NEK5: variants seen among roughly 807,000 people sequenced by gnomAD.
The protein encoded by NEK5 is serine/threonine-protein kinase Nek5.
NEK5 carries 88 observed loss-of-function variants against 109.2 expected under a neutral mutation model. That is an observed-to-expected ratio of 0.81 (90% CI 0.68 to 0.96). The LOEUF is 0.96. Among genes scored for constraint, NEK5 ranks in the 40% least tolerant of loss-of-function variants. The pLI is 0.00. For missense variants in NEK5, 834 were observed against 920.7 expected, an observed-to-expected ratio of 0.91 and a Z score of 1.22; for synonymous variants, 283 against 299.9, an observed-to-expected ratio of 0.94 and a Z score of 0.58.
At chr13:52,126,358 A>G (rs1283004007) in intron 3 of NEK5, among the ~76,000 whole-genome samples, 1 of 152,236 alleles carries the variant, frequency 6.6e-6, no homozygotes, top group African/African-American at 2.4e-5. Flanking sequence ...CATTCAGTGC[A>G]CTCAATAAAT....
intron 4 of NEK5, among the ~76,000 whole-genome samples, chr13:52,115,818 T>A (rs1955847104): frequency 6.6e-6 from 1 of 152,014 alleles, no homozygotes; most frequent in Non-Finnish European, 1.5e-5. Flanking sequence ...AACCTTTTTA[T>A]TTGTCAAATT....
At chr13:52,042,843 A>G (rs535459607) in intron 23 of NEK5, among the ~76,000 whole-genome samples, 10 of 152,092 alleles carry the variant, frequency 6.6e-5, no homozygotes, top group Non-Finnish European at 1.3e-4. Flanking sequence ...AAGTTTGTCA[A>G]CCAACAAAAG....
chr13:52,102,318 TA>T (rs1955556604), intron 9 of NEK5, 26 bp from the exon 10 acceptor site: 2 of 1,548,310 alleles, frequency 1.3e-6, no homozygotes, highest in Non-Finnish European at 1.8e-6. Flanking sequence ...GAAATGACAC[TA>T]AATCAGAGAA....
chr13:52,104,823 A>G (rs966090892), intron 8 of NEK5, among the ~76,000 whole-genome samples: 2 of 152,230 alleles, frequency 1.3e-5, no homozygotes, highest in Admixed American at 6.5e-5. Flanking sequence ...TTCCTGCTCA[A>G]AAACAATGTA....
intron 8 of NEK5, among the ~76,000 whole-genome samples, chr13:52,105,238 A>AGT (rs5803594): frequency 0.074 from 10,908 of 148,080 alleles, 379 homozygotes; most frequent in Admixed American, 0.12. Context: ...TTTGTGCATG[A>AGT]GTGTGTGTGT....
chr13:52,088,931 A>G (rs1955213879), intron 14 of NEK5, among the ~76,000 whole-genome samples: 1 of 151,912 alleles, frequency 6.6e-6, no homozygotes, highest in South Asian at 2.1e-4. Flanking sequence ...TCTCTACTAA[A>G]AATACAGAAG....
intron 21 of NEK5, chr13:52,065,157 A>T (rs763128410): frequency 3.3e-5 from 14 of 417,914 alleles, no homozygotes; most frequent in East Asian, 2.3e-4. Context: ...GACCCTATGA[A>T]ATCGCAAAAA....
intron 22 of NEK5, among the ~76,000 whole-genome samples, chr13:52,057,531 T>C (rs1224252017): frequency 1.3e-5 from 2 of 152,092 alleles, no homozygotes; most frequent in Non-Finnish European, 2.9e-5. Context: ...TTGATGAACA[T>C]TGATGCAAAA....
chr13:52,071,815 G>A, intron 20 of NEK5, 129 bp downstream of exon 20: 1 of 765,298 alleles, frequency 1.3e-6, no homozygotes, highest in Non-Finnish European at 2.2e-6. Context: ...GTGTGTTTCT[G>A]CCTTGCTTAG....
At chr13:52,095,552 G>A (rs1280527436) in intron 12 of NEK5, among the ~76,000 whole-genome samples, 1 of 152,184 alleles carries the variant, frequency 6.6e-6, no homozygotes, top group Non-Finnish European at 1.5e-5. Flanking sequence ...CTGATAAAGA[G>A]TCCTCTGAAT....
intron 22 of NEK5, among the ~76,000 whole-genome samples, chr13:52,055,986 A>G (rs1441493833): frequency 7.9e-5 from 12 of 152,110 alleles, no homozygotes; most frequent in Admixed American, 5.2e-4. Flanking sequence ...TGCTCCAATT[A>G]AAAGACACAG....
intron 7 of NEK5, among the ~76,000 whole-genome samples, chr13:52,109,201 T>A (rs1454372257): frequency 6.6e-6 from 1 of 152,192 alleles, no homozygotes; most frequent in Non-Finnish European, 1.5e-5. Context: ...AAACCCTCCC[T>A]TTGGCCAAGG....
intron 16 of NEK5, among the ~76,000 whole-genome samples, chr13:52,083,628 C>CT (rs1955059902): frequency 6.6e-6 from 1 of 151,984 alleles, no homozygotes; most frequent in South Asian, 2.1e-4. Context: ...GCTCTGCCTC[C>CT]TGAGTTCATG....
At chr13:52,118,176 G>A (rs1955898853) in intron 4 of NEK5, among the ~76,000 whole-genome samples, 1 of 152,222 alleles carries the variant, frequency 6.6e-6, no homozygotes, top group African/African-American at 2.4e-5. Flanking sequence ...CACAGTGGCT[G>A]TATTTATTTA....
At chr13:52,088,045 A>G (rs888295915) in intron 14 of NEK5, among the ~76,000 whole-genome samples, 1 of 151,490 alleles carries the variant, frequency 6.6e-6, no homozygotes, top group Admixed American at 6.6e-5. Context: ...CTCCGGCCTC[A>G]GCCCCCTCAG....
In NEK5 at chr13:52,110,381, C is replaced by T; in HGVS notation, c.426G>A (p.Val142=). The part of the protein sequence containing the change: ...QNIFLSKNGM[V]AKLGDFGIAR... Reference sequence around the variant, plus strand: ...CTATACCAAAGTCCCCAAGCTTTGCCACCATTCCGTTCTTGCTAAGAAAAA... The same window carrying T: ...CTATACCAAAGTCCCCAAGCTTTGCTACCATTCCGTTCTTGCTAAGAAAAA... The change falls in exon 7 of 24, where the codon GTG becomes GTA. Residue 142 remains valine, a synonymous_variant. Transcript: ENST00000684899. 2 of 1,613,362 alleles carry T rather than the reference C, an allele frequency of 1.2e-6. No homozygotes were observed. The highest frequency in any genetic ancestry group is 1.7e-6 in the Non-Finnish European group (2 of 1,179,368).
intron 23 of NEK5, among the ~76,000 whole-genome samples, chr13:52,045,318 G>A (rs1195549649): frequency 6.7e-6 from 1 of 150,220 alleles, no homozygotes; most frequent in African/African-American, 2.4e-5. Flanking sequence ...TTTTAGTAGA[G>A]ATGGGGTTTC....
chr13:52,084,762 AGTGTGTGTGTGTGTGTGTGT>A lies in NEK5; in HGVS notation c.1480-1430_1480-1411del, dbSNP rs368429926. ...GAGAGAGAGAGAGAGAGAGAGAGAG[AGTGTGTGTGTGTGTGTGTGT>A]GTGTGTGTGTGTGTGTGTGTGTGTG... On this transcript the variant is annotated intron_variant, in intron 16 of 23. Coordinates refer to ENST00000684899, the MANE Select transcript of NEK5 (RefSeq NM_001365552.1). Among the ~76,000 whole-genome samples, 127 of 47,386 alleles carry A rather than the reference AGTGTGTGTGTGTGTGTGTGT, an allele frequency of 2.7e-3. 2 individuals are homozygous for A. Among genetic ancestry groups the A allele is most frequent in the East Asian group, 6.8e-3 (9 of 1,328 alleles). 31.1% of individuals were successfully genotyped at this position (47,386 alleles called of 152,430 possible).
chr13:52,127,390 G>A lies in NEK5; in HGVS notation c.93C>T (p.Val31=). 1 of 1,602,852 alleles carries A rather than the reference G, an allele frequency of 6.2e-7. No homozygotes were observed. The highest frequency in any genetic ancestry group is 2.2e-5 in the East Asian group (1 of 44,842). Residue 31 remains valine (V), a synonymous_variant, in exon 3 of 24, where the codon GTC becomes GTT. Coordinates refer to ENST00000684899, the MANE Select transcript of NEK5 (RefSeq NM_001365552.1). ...CCTTTTCAAAATTGATCTCTTTTATGACACAGTGCTTGCTATCTGATTTCC... is the reference window on the plus strand; with the variant it reads ...CCTTTTCAAAATTGATCTCTTTTATAACACAGTGCTTGCTATCTGATTTCC... ...AKGKSDSKHC[V]IKEINFEKMP...
Sources: gnomAD v4.1 joint callset for allele counts (sites outside exome capture counted in the v4.1 genomes callset) on GRCh38, gnomAD v4.1.1 for gene constraint, MANE v1.5 for transcripts, NCBI Gene and HGNC (gene_info 2026-07-23, HGNC 2026-07-21) for gene names.